ELAPOR1: variants seen among roughly 807,000 people sequenced by gnomAD.
ELAPOR1 encodes endosome-lysosome associated apoptosis and autophagy regulator 1, also known as endosome/lysosome-associated apoptosis and autophagy regulator 1.
In ELAPOR1, 77 loss-of-function variants were observed where a neutral mutation model predicts 119.7. The observed-to-expected ratio is 0.64, with a 90% confidence interval of 0.54 to 0.78. ELAPOR1 has a LOEUF of 0.78. Ranked by LOEUF, ELAPOR1 falls within the 30% of genes least tolerant of loss-of-function variation. The probability of loss-of-function intolerance (pLI) is 0.00; values close to 1 mark genes in which losing one functional copy is unlikely to be tolerated. For synonymous variants in ELAPOR1, 481 were observed against 487.2 expected (o/e 0.99, Z 0.17); for missense variants, 1,115 against 1,270.4 (o/e 0.88, Z 1.86).
chr1:109,138,203 T>G (rs529313867), intron 1 of ELAPOR1, among the ~76,000 whole-genome samples: 144 of 152,266 alleles, frequency 9.5e-4, no homozygotes, highest in African/African-American at 3.2e-3. Flanking sequence ...AAGCCTGACA[T>G]TTTAGAGATG....
rs75088164 is a variant in ELAPOR1 at position 109,203,052 on chromosome 1, G to A, written c.*40G>A. 5,358 of 1,441,558 alleles carry A rather than the reference G, an allele frequency of 3.7e-3. 150 individuals carry two copies. The African/African-American group carries it at 0.066, about 18-fold the overall frequency. The allele number at this position is 1,441,558 out of a possible 1,614,324, so 89.3% of individuals were successfully genotyped here. ...CTCACCTGCCTCCTCACCTTGCATAGCACCTTTGCAAGCCTGCGGCGATTT... is the reference window on the plus strand; with the variant it reads ...CTCACCTGCCTCCTCACCTTGCATAACACCTTTGCAAGCCTGCGGCGATTT... On this transcript the variant is annotated 3_prime_UTR_variant, in exon 22 of 22. Coordinates refer to ENST00000369939, the MANE Select transcript of ELAPOR1 (RefSeq NM_020775.5).
At chr1:109,163,580 G>A (rs542834831) in intron 2 of ELAPOR1, among the ~76,000 whole-genome samples, 2 of 149,778 alleles carry the variant, frequency 1.3e-5, no homozygotes, top group Non-Finnish European at 3.0e-5. Flanking sequence ...TTTTTTTTTG[G>A]TAGTGACAGG....
At chr1:109,133,154 TG>T (rs1237151077) in intron 1 of ELAPOR1, among the ~76,000 whole-genome samples, 1 of 152,038 alleles carries the variant, frequency 6.6e-6, no homozygotes, top group Non-Finnish European at 1.5e-5. Context: ...CCCTTGAGCC[TG>T]GGAGGTTGAG....
In ELAPOR1 at chr1:109,133,355, CAA is replaced by C. The variant is rs10708270; in HGVS notation, c.153+19031_153+19032del. Among the ~76,000 whole-genome samples, 89 of 138,156 alleles carry C rather than the reference CAA, an allele frequency of 6.4e-4. 1 individual carries two copies. The highest frequency in any genetic ancestry group is 1.9e-3 in the African/African-American group (73 of 39,064). The allele number at this position is 138,156 out of a possible 152,430, so 90.6% of individuals were successfully genotyped here. A position where few individuals can be genotyped will look rare whatever the true frequency, so the allele number is the denominator to read the frequency against. ...GCTTTCTAGTGGCCAAAGTAGAAGC[CAA>C]AAAAAAAAAAATTAGAATATGTAGT... On this transcript the variant is annotated intron_variant, in intron 1 of 21. Coordinates refer to ENST00000369939, the MANE Select transcript of ELAPOR1 (RefSeq NM_020775.5).
At chr1:109,186,775 T>G (rs1653077247) in intron 8 of ELAPOR1, 1 of 985,520 alleles carries the variant, frequency 1.0e-6, no homozygotes, top group Non-Finnish European at 1.2e-6. Context: ...CTTTCCTCCC[T>G]TCTGCCCCAT....
chr1:109,116,357 A>G (rs577932906), intron 1 of ELAPOR1, among the ~76,000 whole-genome samples: 26 of 152,320 alleles, frequency 1.7e-4, no homozygotes, highest in South Asian at 1.5e-3. Context: ...GAGTATTGAA[A>G]TAGAAAATAC....
chr1:109,197,837 A>G, intron 16 of ELAPOR1, 142 bp from the exon 17 acceptor site: 1 of 992,152 alleles, frequency 1.0e-6, no homozygotes, highest in Non-Finnish European at 1.5e-6. Flanking sequence ...GACTCTGACA[A>G]ACCCTTGTTT....
intron 1 of ELAPOR1, among the ~76,000 whole-genome samples, chr1:109,136,716 C>T (rs903173942): frequency 3.3e-5 from 5 of 152,180 alleles, no homozygotes; most frequent in African/African-American, 7.2e-5. Flanking sequence ...CTGAAAATAA[C>T]GAACTCCTGT....
intron 5 of ELAPOR1, 85 bp downstream of exon 5, chr1:109,172,653 G>C (rs1651992438): frequency 4.2e-6 from 4 of 950,640 alleles, no homozygotes; most frequent in Non-Finnish European, 6.7e-6. Flanking sequence ...CCCAGTCTGA[G>C]CCTCCACCCC....
rs765163293 is a variant in ELAPOR1 at position 109,197,603 on chromosome 1, T to C, written c.2251T>C (p.Tyr751His). 6 of 1,614,198 alleles carry C rather than the reference T, an allele frequency of 3.7e-6. No homozygotes were observed. In the Middle Eastern group the frequency reaches 6.6e-4, roughly 178 times the overall value. ...CATCATCCCCCCAGAGGTGACAGGC[T>C]ACAAGGCCGGGGTTTCCTCACAGCC... ...AVIIPPEVTGYKAGVSSQPVS... is the reference protein window; with the variant it reads ...AVIIPPEVTGHKAGVSSQPVS... Residue 751 changes from tyrosine (Y) to histidine (H), a missense_variant, in exon 16 of 22, where the codon TAC becomes CAC. Transcript: ENST00000369939.
At chr1:109,152,171 G>A (rs967634164) in intron 1 of ELAPOR1, among the ~76,000 whole-genome samples, 7 of 152,036 alleles carry the variant, frequency 4.6e-5, no homozygotes, top group Non-Finnish European at 8.8e-5. Context: ...ACTGCGCCCC[G>A]CTGCTAATTT....
intron 21 of ELAPOR1, among the ~76,000 whole-genome samples, chr1:109,201,659 T>A (rs2101149293): frequency 6.6e-6 from 1 of 152,290 alleles, no homozygotes; most frequent in East Asian, 1.9e-4. Context: ...TTTAGATTGC[T>A]AAGTCTTGTT....
chr1:109,131,330 A>G (rs1308548430), intron 1 of ELAPOR1, among the ~76,000 whole-genome samples: 1 of 152,172 alleles, frequency 6.6e-6, no homozygotes, highest in African/African-American at 2.4e-5. Flanking sequence ...TGTCACTTTT[A>G]CCACATTCTG....
chr1:109,165,380 A>G (rs1479167221), intron 3 of ELAPOR1, among the ~76,000 whole-genome samples: 1 of 152,074 alleles, frequency 6.6e-6, no homozygotes, highest in Non-Finnish European at 1.5e-5. Context: ...TGAGGTCAGG[A>G]GTTCAAGACC....
intron 1 of ELAPOR1, among the ~76,000 whole-genome samples, chr1:109,127,660 G>A (rs1485251910): frequency 6.6e-6 from 1 of 152,030 alleles, no homozygotes; most frequent in East Asian, 1.9e-4. Flanking sequence ...TTGAGCTTCT[G>A]GGCTCAAGTG....
At chr1:109,177,141 G>C (rs1652349565) in intron 7 of ELAPOR1, among the ~76,000 whole-genome samples, 3 of 133,228 alleles carry the variant, frequency 2.3e-5, no homozygotes, top group African/African-American at 3.1e-5. Context: ...AGACAGGGTG[G>C]TGGCCGGGCA....
intron 1 of ELAPOR1, among the ~76,000 whole-genome samples, chr1:109,119,393 AG>A (rs1243408524): frequency 1.3e-5 from 2 of 151,246 alleles, no homozygotes; most frequent in African/African-American, 4.9e-5. Context: ...CATGTTGCCC[AG>A]GCTGGTCTCA....
chr1:109,167,346 C>T (rs1033238341), intron 3 of ELAPOR1, among the ~76,000 whole-genome samples: 25 of 152,296 alleles, frequency 1.6e-4, no homozygotes, highest in African/African-American at 5.8e-4. Context: ...AGGCATCCCA[C>T]GACATCCCGG....
intron 14 of ELAPOR1, among the ~76,000 whole-genome samples, chr1:109,193,652 C>T (rs1022218784): frequency 1.3e-5 from 2 of 152,206 alleles, no homozygotes; most frequent in Admixed American, 1.3e-4. Flanking sequence ...AGATATTAAT[C>T]GATGCTTTTA....
Sources: gnomAD v4.1 joint callset for allele counts (sites outside exome capture counted in the v4.1 genomes callset) on GRCh38, gnomAD v4.1.1 for gene constraint, MANE v1.5 for transcripts, NCBI Gene and HGNC (gene_info 2026-07-23, HGNC 2026-07-21) for gene names.